The following SLC25A53 variants were observed in gnomAD, a reference collection of about 807,000 sequenced individuals.
SLC25A53 encodes mitochondrial carrier triple repeat protein 6.
SLC25A53 carries 5 observed loss-of-function variants against 15.0 expected under a neutral mutation model. The observed-to-expected ratio is 0.33, with a 90% CI of 0.17 to 0.70. The LOEUF is 0.70. Among genes scored for constraint, SLC25A53 ranks in the 30% least tolerant of loss-of-function variants. The pLI is 0.67. For synonymous variants in SLC25A53, 95 were observed against 100.0 expected, an observed-to-expected ratio of 0.95 and a Z score of 0.30; for missense variants, 216 against 241.6, an observed-to-expected ratio of 0.89 and a Z score of 0.70.
rs2075273561 is a variant in SLC25A53 at position 104,099,907 on chromosome X, T to C, written c.*4427A>G. 9.0e-6 allele frequency: 1 copy of C among 111,303 alleles called. No individual in the cohort carries two copies. The highest frequency in any genetic ancestry group is 3.8e-4 in the South Asian group (1 of 2,653). 9.2% of individuals were successfully genotyped at this position (111,303 alleles called of 1,213,427 possible). On this transcript the variant is annotated 3_prime_UTR_variant, in exon 2 of 2. Coordinates refer to ENST00000594199, the MANE Select transcript of SLC25A53 (RefSeq NM_001012755.5). ...TGAAATAGAAAGTAGGGTCACTAGT[T>C]GGAAATGATGAGGGAGGGAGTATTA...
At chrX:104,146,730 G>A (rs2075468491) in intron 1 of SLC25A53, among the ~76,000 whole-genome samples, 1 of 109,968 alleles carries the variant, frequency 9.1e-6, no homozygotes, top group Admixed American at 9.7e-5. Flanking sequence ...AAATACCTAG[G>A]AATCCAACTT....
chrX:104,139,539 G>T (rs976041316), intron 1 of SLC25A53, among the ~76,000 whole-genome samples: 2 of 111,037 alleles, frequency 1.8e-5, no homozygotes, highest in Non-Finnish European at 3.8e-5. Flanking sequence ...AGATAGGCTG[G>T]GTGCAGTGGC....
intron 1 of SLC25A53, among the ~76,000 whole-genome samples, chrX:104,123,228 G>T (rs2075400221): frequency 8.9e-6 from 1 of 112,539 alleles, no homozygotes; most frequent in African/African-American, 3.2e-5. Flanking sequence ...CTCATGTGCA[G>T]GGGAAAACAA....
intron 1 of SLC25A53, among the ~76,000 whole-genome samples, chrX:104,106,235 C>T (rs1361189163): frequency 4.5e-5 from 5 of 110,856 alleles, no homozygotes; most frequent in Admixed American, 9.6e-5. Flanking sequence ...CCAGAAAGGC[C>T]AGGAAGCAGA....
intron 1 of SLC25A53, among the ~76,000 whole-genome samples, chrX:104,151,375 G>A (rs1374538875): frequency 9.0e-6 from 1 of 111,492 alleles, no homozygotes; most frequent in Non-Finnish European, 1.9e-5. Flanking sequence ...CCTCCTCCTA[G>A]TGTGTTCTTC....
chrX:104,155,957 C>G (rs781972801), intron 1 of SLC25A53, among the ~76,000 whole-genome samples: 169 of 106,795 alleles, frequency 1.6e-3, no homozygotes, highest in Middle Eastern at 4.8e-3. Flanking sequence ...GAGGCTGAGG[C>G]AGGAGAATCA....
In SLC25A53 at chrX:104,105,292, G is replaced by C. The variant is rs781967921; in HGVS notation, c.-31-4C>G. The C allele has an allele frequency of 1.8e-6, 2 of 1,118,230 alleles. No homozygotes were observed. The highest frequency in any genetic ancestry group is 2.7e-5 in the Admixed American group (1 of 37,183). The allele number at this position is 1,118,230 out of a possible 1,213,427, so 92.2% of individuals were successfully genotyped here. A position where few individuals can be genotyped will look rare whatever the true frequency, so the allele number is the denominator to read the frequency against. ...AACTGGGTGCAGATGGAAGAAACTG[G>C]CAAGGGTGGAAAAAAAGAGATTAGA... On this transcript the variant is annotated splice_region_variant and splice_polypyrimidine_tract_variant and intron_variant, in intron 1 of 1. Coordinates refer to ENST00000594199, the MANE Select transcript of SLC25A53 (RefSeq NM_001012755.5).
Position 104,100,855 on chromosome X carries a change from A to C in SLC25A53, c.*3479T>G, listed in dbSNP as rs1422592833. On this transcript the variant is annotated 3_prime_UTR_variant, in exon 2 of 2. Transcript: ENST00000594199. ...GTCCAGATGTGTGGAGTTTTCCCAC[A>C]CACTAAGTGAGCAATCAGTTCTGCA... 1 of 111,945 alleles carries C rather than the reference A, an allele frequency of 8.9e-6. No homozygotes were observed. The highest frequency in any genetic ancestry group is 1.9e-5 in the Non-Finnish European group (1 of 53,248). 9.2% of individuals were successfully genotyped at this position (111,945 alleles called of 1,213,427 possible).
intron 1 of SLC25A53, among the ~76,000 whole-genome samples, chrX:104,143,723 C>G (rs1256461653): frequency 4.5e-5 from 5 of 111,426 alleles, no homozygotes; most frequent in African/African-American, 1.6e-4. Context: ...GCAAGGCAGG[C>G]CAACATTCAA....
chrX:104,113,985 T>TG, intron 1 of SLC25A53: 3 of 1,084,416 alleles, frequency 2.8e-6, no homozygotes, highest in Middle Eastern at 5.9e-4. Flanking sequence ...TTTACTTTCC[T>TG]TAGAATCCCT....
At chrX:104,125,770 G>T (rs1556364135) in intron 1 of SLC25A53, among the ~76,000 whole-genome samples, 1 of 111,784 alleles carries the variant, frequency 8.9e-6, no homozygotes, top group Admixed American at 9.5e-5. Flanking sequence ...TGAGGCTGCA[G>T]AGTTCACAGA....
At chrX:104,108,484 G>C (rs1293359926) in intron 1 of SLC25A53, among the ~76,000 whole-genome samples, 7 of 111,121 alleles carry the variant, frequency 6.3e-5, no homozygotes, top group African/African-American at 1.6e-4. Context: ...AGATACAGGG[G>C]CATTTGGGAA....
chrX:104,144,508 G>C (rs1209776095), intron 1 of SLC25A53, among the ~76,000 whole-genome samples: 3 of 111,441 alleles, frequency 2.7e-5, no homozygotes, highest in Non-Finnish European at 5.6e-5. Flanking sequence ...CGGTTTACCT[G>C]AGTTGGAAAT....
intron 1 of SLC25A53, chrX:104,130,503 T>C (rs2075423047): frequency 9.0e-6 from 1 of 111,255 alleles, no homozygotes. Context: ...CCTTCATATA[T>C]TCTCTCGACT....
intron 1 of SLC25A53, among the ~76,000 whole-genome samples, chrX:104,141,297 C>A (rs2075450176): frequency 9.0e-6 from 1 of 111,316 alleles, no homozygotes; most frequent in Non-Finnish European, 1.9e-5. Context: ...TGAAATCCAG[C>A]TGCTGGGACA....
At chrX:104,114,849 G>C in intron 1 of SLC25A53, 2 of 1,208,205 alleles carry the variant, frequency 1.7e-6, no homozygotes. Flanking sequence ...CCAGCCCTGT[G>C]GCATTTCAGG....
At chrX:104,139,472 G>A (rs1158000300) in intron 1 of SLC25A53, among the ~76,000 whole-genome samples, 2 of 111,667 alleles carry the variant, frequency 1.8e-5, no homozygotes, top group Non-Finnish European at 3.8e-5. Flanking sequence ...AGCCAAGATT[G>A]CACCACTGCA....
chrX:104,111,169 C>T (rs1216704529), intron 1 of SLC25A53, among the ~76,000 whole-genome samples: 6 of 112,463 alleles, frequency 5.3e-5, no homozygotes, highest in Non-Finnish European at 1.1e-4. Context: ...CTCTACACCT[C>T]AGAATCAACT....
intron 1 of SLC25A53, among the ~76,000 whole-genome samples, chrX:104,142,163 T>C (rs1227811816): frequency 9.0e-6 from 1 of 111,028 alleles, no homozygotes; most frequent in Non-Finnish European, 1.9e-5. Flanking sequence ...GAGGATTGTT[T>C]GAGCCTGGGA....
Sources: gnomAD v4.1 joint callset for allele counts (sites outside exome capture counted in the v4.1 genomes callset) on GRCh38, gnomAD v4.1.1 for gene constraint, MANE v1.5 for transcripts, NCBI Gene and HGNC (gene_info 2026-07-23, HGNC 2026-07-21) for gene names.